Variants in TECRL observed in about 807,000 individuals in gnomAD.
TECRL encodes trans-2,3-enoyl-CoA reductase like, also known as trans-2,3-enoyl-CoA reductase-like.
Under a neutral mutation model 52.8 loss-of-function variants are expected in TECRL, and 63 were observed. The observed-to-expected ratio is 1.19, with a 90% CI of 0.97 to 1.47. The LOEUF (loss-of-function observed/expected upper bound fraction) is 1.47. Ranked by LOEUF, TECRL falls within the 40% of genes most tolerant of loss-of-function variation. The pLI is 0.00. For missense variants in TECRL, 482 were observed against 429.6 expected, an observed-to-expected ratio of 1.12 and a Z score of -1.08; for synonymous variants, 164 against 141.9, an observed-to-expected ratio of 1.16 and a Z score of -1.10.
chr4:64,401,035 C>T (rs1015795371), intron 1 of TECRL, among the ~76,000 whole-genome samples: 2 of 152,152 alleles, frequency 1.3e-5, no homozygotes, highest in African/African-American at 4.8e-5. Context: ...GATCCCAATA[C>T]TATCTTGCCT....
intron 2 of TECRL, among the ~76,000 whole-genome samples, chr4:64,355,038 A>G (rs1577924085): frequency 1.3e-5 from 2 of 152,218 alleles, no homozygotes; most frequent in African/African-American, 4.8e-5. Context: ...TGAGATTAGC[A>G]TACTTGATAT....
At chr4:64,313,521 C>G (rs1385923814) in intron 5 of TECRL, among the ~76,000 whole-genome samples, 11 of 145,918 alleles carry the variant, frequency 7.5e-5, no homozygotes, top group Non-Finnish European at 1.2e-4. Flanking sequence ...TTTCTCTGTC[C>G]CCCAGGCCGG....
At chr4:64,308,446 C>A (rs1469389422) in intron 6 of TECRL, among the ~76,000 whole-genome samples, 2 of 152,176 alleles carry the variant, frequency 1.3e-5, no homozygotes, top group African/African-American at 4.8e-5. Flanking sequence ...CTATGGCCAA[C>A]CGCAGGCATG....
chr4:64,396,661 G>A (rs543137396), intron 1 of TECRL, among the ~76,000 whole-genome samples: 1 of 152,148 alleles, frequency 6.6e-6, no homozygotes, highest in East Asian at 1.9e-4. Flanking sequence ...AATTTCCATA[G>A]GTCCCAGTTG....
At chr4:64,323,375 C>T (rs760519469) in intron 3 of TECRL, among the ~76,000 whole-genome samples, 5 of 151,598 alleles carry the variant, frequency 3.3e-5, no homozygotes, top group Non-Finnish European at 5.9e-5. Context: ...CCAGTCTGGG[C>T]GACAAAGAGA....
intron 2 of TECRL, among the ~76,000 whole-genome samples, chr4:64,335,534 G>A (rs752792887): frequency 2.3e-4 from 35 of 152,162 alleles, no homozygotes; most frequent in Admixed American, 1.5e-3. Flanking sequence ...GAATCACCGT[G>A]AAACCACTCC....
chr4:64,316,577 T>C (rs1229374907), intron 4 of TECRL, among the ~76,000 whole-genome samples: 1 of 152,094 alleles, frequency 6.6e-6, no homozygotes, highest in Non-Finnish European at 1.5e-5. Flanking sequence ...TAGACACATA[T>C]TAATATGGTC....
chr4:64,360,766 A>G (rs4860594), intron 2 of TECRL, among the ~76,000 whole-genome samples: 136,695 of 152,080 alleles, frequency 0.9, 62,095 homozygotes, highest in East Asian at 1. Context: ...GGGTGAGTGC[A>G]ATAGGTGTGG....
At chr4:64,393,124 A>G (rs1310770668) in intron 1 of TECRL, among the ~76,000 whole-genome samples, 1 of 151,962 alleles carries the variant, frequency 6.6e-6, no homozygotes, top group Non-Finnish European at 1.5e-5. Context: ...CCAATAGTTC[A>G]GTCTGTTTCC....
chr4:64,371,194 T>C (rs1256793335), intron 2 of TECRL, among the ~76,000 whole-genome samples: 1 of 151,394 alleles, frequency 6.6e-6, no homozygotes, highest in Non-Finnish European at 1.5e-5. Flanking sequence ...ACAAACCCAG[T>C]AATAATAATA....
At chr4:64,346,930 G>A (rs954749430) in intron 2 of TECRL, among the ~76,000 whole-genome samples, 9 of 152,234 alleles carry the variant, frequency 5.9e-5, no homozygotes, top group Non-Finnish European at 8.8e-5. Context: ...TTTGCTTCTC[G>A]TTCTGGTGAA....
downstream of TECRL, chr4:64,276,885 A>C: frequency 2.1e-6 from 1 of 470,762 alleles, no homozygotes; most frequent in Non-Finnish European, 3.8e-6. Context: ...ATATGTGTAC[A>C]TACTTATGTA....
intron 8 of TECRL, among the ~76,000 whole-genome samples, chr4:64,298,159 G>A (rs565490819): frequency 2.0e-5 from 3 of 150,944 alleles, no homozygotes; most frequent in Non-Finnish European, 3.0e-5. Flanking sequence ...TAAATTTAAA[G>A]TTTATCAAAT....
intron 2 of TECRL, among the ~76,000 whole-genome samples, chr4:64,351,684 A>C (rs1022868054): frequency 6.6e-6 from 1 of 152,188 alleles, no homozygotes; most frequent in African/African-American, 2.4e-5. Flanking sequence ...ATGTAACAAA[A>C]TACCACGTGT....
intron 1 of TECRL, among the ~76,000 whole-genome samples, chr4:64,379,237 C>T (rs967873294): frequency 6.5e-5 from 7 of 107,410 alleles, no homozygotes; most frequent in South Asian, 7.2e-4. Flanking sequence ...TGCAAACACA[C>T]ACACACACAT....
chr4:64,318,507 A>G (rs1256802078), intron 4 of TECRL, among the ~76,000 whole-genome samples: 1 of 152,068 alleles, frequency 6.6e-6, no homozygotes, highest in Non-Finnish European at 1.5e-5. Context: ...AGATAAAACT[A>G]AAGCAAGGTA....
chr4:64,342,747 T>C (rs1390916388), intron 2 of TECRL, among the ~76,000 whole-genome samples: 2 of 152,088 alleles, frequency 1.3e-5, no homozygotes, highest in African/African-American at 4.8e-5. Flanking sequence ...ATAAATGTAA[T>C]AATATGTCAA....
At chr4:64,303,690 AG>A (rs1014928981) in intron 7 of TECRL, among the ~76,000 whole-genome samples, 1 of 151,816 alleles carries the variant, frequency 6.6e-6, no homozygotes, top group Non-Finnish European at 1.5e-5. Flanking sequence ...CCTTAATAAA[AG>A]TTAATTTATG....
chr4:64,337,102 G>T (rs544707657), intron 2 of TECRL, among the ~76,000 whole-genome samples: 19 of 152,230 alleles, frequency 1.2e-4, no homozygotes, highest in South Asian at 8.3e-4. Context: ...AATGTTGACA[G>T]TGGGGTGTTA....
Sources: allele counts gnomAD v4.1 joint callset (sites outside exome capture counted in the v4.1 genomes callset), GRCh38; gene constraint gnomAD v4.1.1; transcripts MANE v1.5; gene names NCBI Gene and HGNC (gene_info 2026-07-23, HGNC 2026-07-21).